Variants in CCDC30 observed in about 807,000 individuals in gnomAD.
The protein encoded by CCDC30 is coiled-coil domain containing 30.
A neutral mutation model predicts 100.2 loss-of-function variants in CCDC30; 70 were observed. The ratio of observed to expected loss-of-function variants is 0.70; its 90% CI spans 0.58 to 0.85. CCDC30 has a LOEUF of 0.85. Ranked by LOEUF, CCDC30 falls within the 40% of genes least tolerant of loss-of-function variation. CCDC30 has a pLI of 0.00. For missense variants in CCDC30, 652 were observed against 771.2 expected, an observed-to-expected ratio of 0.85 and a Z score of 1.83; for synonymous variants, 233 against 269.5, an observed-to-expected ratio of 0.86 and a Z score of 1.33.
chr1:42,539,337 T>C (rs1360649946), intron 6 of CCDC30, 27 bp downstream of exon 8: 5 of 1,567,348 alleles, frequency 3.2e-6, no homozygotes, highest in Non-Finnish European at 4.3e-6. Flanking sequence ...TATTTAAATG[T>C]TCAATATTTA....
intron 11 of CCDC30, among the ~76,000 whole-genome samples, chr1:42,633,157 T>G (rs1438144987): frequency 6.6e-6 from 1 of 152,070 alleles, no homozygotes; most frequent in Non-Finnish European, 1.5e-5. Context: ...CAGAAAATAA[T>G]GAGTGAGGGA....
At chr1:42,509,374 T>C (rs1644443010) in intron 6 of CCDC30, among the ~76,000 whole-genome samples, 1 of 152,078 alleles carries the variant, frequency 6.6e-6, no homozygotes, top group African/African-American at 2.4e-5. Context: ...ATTTTGACTC[T>C]CTCTAAACTG....
chr1:42,477,240 G>A (rs1368746536), intron 1 of CCDC30, among the ~76,000 whole-genome samples: 2 of 151,714 alleles, frequency 1.3e-5, no homozygotes, highest in African/African-American at 4.8e-5. Flanking sequence ...TCTTTGTTTT[G>A]TTTTTTTGAG....
intron 7 of CCDC30, among the ~76,000 whole-genome samples, chr1:42,569,433 T>C (rs1019297771): frequency 2.6e-5 from 4 of 152,064 alleles, no homozygotes; most frequent in African/African-American, 9.7e-5. Flanking sequence ...TGAGATACCA[T>C]CTCATGCCAG....
At chr1:42,471,877 AAT>A (rs939077020) in intron 1 of CCDC30, among the ~76,000 whole-genome samples, 2 of 134,864 alleles carry the variant, frequency 1.5e-5, no homozygotes, top group Non-Finnish European at 3.2e-5. Context: ...AAATAATAAA[AAT>A]ATGGTTTTGC....
At chr1:42,497,016 C>A in intron 4 of CCDC30, 82 bp from the exon 5 acceptor site, 1 of 610,490 alleles carries the variant, frequency 1.6e-6, no homozygotes, top group Non-Finnish European at 2.4e-6. Context: ...GGCTAAATAG[C>A]ACTTCCTTCG....
At chr1:42,646,451 A>G in intron 15 of CCDC30, 134 bp downstream of exon 19, 1 of 1,197,940 alleles carries the variant, frequency 8.3e-7, no homozygotes, top group Non-Finnish European at 1.1e-6. Flanking sequence ...CAGATTCCCC[A>G]CTTTCTTGGG....
chr1:42,483,832 G>A (rs1162139497), intron 3 of CCDC30, among the ~76,000 whole-genome samples: 2 of 152,008 alleles, frequency 1.3e-5, no homozygotes, highest in African/African-American at 4.8e-5. Context: ...GGGTTTAAGT[G>A]AATTATTCTT....
intron 1 of CCDC30, among the ~76,000 whole-genome samples, chr1:42,471,344 G>A (rs1166446789): frequency 3.9e-5 from 6 of 152,216 alleles, no homozygotes; most frequent in Non-Finnish European, 7.4e-5. Flanking sequence ...GCAACCCACA[G>A]TACAGGACTT....
intron 6 of CCDC30, among the ~76,000 whole-genome samples, chr1:42,541,705 A>C (rs779699923): frequency 2.0e-4 from 30 of 152,228 alleles, no homozygotes; most frequent in Non-Finnish European, 4.4e-4. Flanking sequence ...TTTCCCATCA[A>C]ACTTTTACTC....
the CCDC30 span, chr1:42,457,214 C>T: frequency 3.7e-6 from 6 of 1,612,948 alleles, no homozygotes; most frequent in Non-Finnish European, 5.1e-6. Flanking sequence ...CGTACCTCGC[C>T]GATTTGTTAA....
chr1:42,496,152 T>C (rs1428631937), intron 4 of CCDC30, among the ~76,000 whole-genome samples: 1 of 151,098 alleles, frequency 6.6e-6, no homozygotes, highest in East Asian at 1.9e-4. Flanking sequence ...TGTGTGTGTG[T>C]GTGTGTGTAC....
chr1:42,515,196 C>T (rs1298563613), intron 6 of CCDC30, among the ~76,000 whole-genome samples: 1 of 118,282 alleles, frequency 8.5e-6, no homozygotes, highest in Non-Finnish European at 1.7e-5. Flanking sequence ...TGGAATGATG[C>T]AGCTGCAAGC....
At chr1:42,498,521 G>A (rs1644262082) in intron 5 of CCDC30, among the ~76,000 whole-genome samples, 1 of 152,134 alleles carries the variant, frequency 6.6e-6, no homozygotes, top group Middle Eastern at 3.2e-3. Flanking sequence ...AAAAAGTGAA[G>A]ATTGGTAAGT....
At chr1:42,482,576 T>C in intron 2 of CCDC30, 87 bp from the exon 3 acceptor site, 1 of 768,702 alleles carries the variant, frequency 1.3e-6, no homozygotes, top group Non-Finnish European at 1.8e-6. Flanking sequence ...GCTAATTTAT[T>C]GGCTTTTAAA....
intron 6 of CCDC30, among the ~76,000 whole-genome samples, chr1:42,552,900 C>T (rs1033534350): frequency 6.6e-6 from 1 of 152,180 alleles, no homozygotes; most frequent in Non-Finnish European, 1.5e-5. Flanking sequence ...CTGGTCTCCC[C>T]TCACACTGCA....
At chr1:42,599,303 A>T (rs1021184669) in intron 10 of CCDC30, among the ~76,000 whole-genome samples, 2 of 152,200 alleles carry the variant, frequency 1.3e-5, no homozygotes, top group African/African-American at 4.8e-5. Flanking sequence ...TCTTATTATA[A>T]GGTACTCATA....
chr1:42,611,059 C>A, exon 11 of CCDC30: 1 of 1,608,686 alleles, frequency 6.2e-7, no homozygotes, highest in Non-Finnish European at 8.5e-7. Flanking sequence ...AGAATATTTG[C>A]GATTATTGAA....
intron 6 of CCDC30, among the ~76,000 whole-genome samples, chr1:42,514,101 T>C (rs1380554811): frequency 1.3e-5 from 2 of 152,236 alleles, no homozygotes; most frequent in Non-Finnish European, 2.9e-5. Context: ...AGGACAAATA[T>C]CCAAACTATA....
Sources: gnomAD v4.1 joint callset for allele counts (sites outside exome capture counted in the v4.1 genomes callset) on GRCh38, gnomAD v4.1.1 for gene constraint, MANE v1.5 for transcripts, NCBI Gene and HGNC (gene_info 2026-07-23, HGNC 2026-07-21) for gene names.